NPAS3: variants seen among roughly 807,000 people sequenced by gnomAD.
NPAS3 encodes neuronal PAS domain-containing protein 3.
NPAS3 carries 14 observed loss-of-function variants against 73.1 expected under a neutral mutation model. The observed-to-expected ratio is 0.19, with a 90% CI of 0.13 to 0.30. NPAS3 has a LOEUF of 0.30. Among genes scored for constraint, NPAS3 ranks in the 10% least tolerant of loss-of-function variants. The probability of loss-of-function intolerance (pLI) is 1.00; values close to 1 mark genes in which losing one functional copy is unlikely to be tolerated. For synonymous variants in NPAS3, 620 were observed against 541.5 expected (o/e 1.14, Z -2.01); for missense variants, 1,096 against 1,250.0 (o/e 0.88, Z 1.86).
rs188612572 is a variant in NPAS3, at chr14:33,793,649, A to G, written c.1154-248A>G. On this transcript the variant is annotated intron_variant, in intron 9 of 11. Transcript: ENST00000356141. Reference sequence around the variant, plus strand: ...GTAGTCCTTTTATTCTTTTCACACCATGGCTGCCCAAAACGGAATAAAGTC... The same window carrying G: ...GTAGTCCTTTTATTCTTTTCACACCGTGGCTGCCCAAAACGGAATAAAGTC... 1.9e-3 allele frequency among the ~76,000 whole-genome samples: 287 copies of G among 152,254 alleles called. 2 individuals carry two copies. Among genetic ancestry groups the G allele is most frequent in the African/African-American group, 6.7e-3 (279 of 41,548 alleles).
At chr14:33,172,896 T>C (rs554067617) in intron 2 of NPAS3, among the ~76,000 whole-genome samples, 2 of 152,252 alleles carry the variant, frequency 1.3e-5, no homozygotes, top group African/African-American at 4.8e-5. Context: ...TACATGTGAT[T>C]ACTAAATTTC....
intron 1 of NPAS3, among the ~76,000 whole-genome samples, chr14:32,952,080 T>C (rs1372131442): frequency 6.6e-6 from 1 of 152,086 alleles, no homozygotes; most frequent in Non-Finnish European, 1.5e-5. Context: ...TTAATTTCTA[T>C]ATGTGTGTGT....
At chr14:33,089,793 A>G (rs10133879) in intron 2 of NPAS3, among the ~76,000 whole-genome samples, 65,217 of 151,710 alleles carry the variant, frequency 0.43, 15,426 homozygotes, top group African/African-American at 0.65. Context: ...GACTAACAGC[A>G]GATCTCTCGG....
At chr14:33,368,310 T>TAAAA (rs66579296) in intron 4 of NPAS3, among the ~76,000 whole-genome samples, 112 of 144,942 alleles carry the variant, frequency 7.7e-4, no homozygotes, top group African/African-American at 1.3e-3. Flanking sequence ...GATTCTGCGT[T>TAAAA]AAAAAAAAAA....
At chr14:33,477,810 T>TGCTTC (rs2051114195) in intron 4 of NPAS3, among the ~76,000 whole-genome samples, 1 of 152,216 alleles carries the variant, frequency 6.6e-6, no homozygotes, top group Non-Finnish European at 1.5e-5. Context: ...TACTTAGCTT[T>TGCTTC]GCTTCACTAT....
Position 33,377,623 on chromosome 14 carries a change from C to T in NPAS3, c.468+10355C>T, listed in dbSNP as rs145838434. On this transcript the variant is annotated intron_variant, in intron 4 of 11. Transcript: ENST00000356141. ...CGTATCCACGGGGATTTTTGTTTAC[C>T]TTGCTAACTTTGATTTGCAGAATAA... 3.9e-3 allele frequency among the ~76,000 whole-genome samples: 593 copies of T among 152,248 alleles called. 4 individuals carry two copies. The highest frequency in any genetic ancestry group is 0.014 in the African/African-American group (567 of 41,538).
At chr14:33,190,964 T>C (rs2046149839) in intron 2 of NPAS3, among the ~76,000 whole-genome samples, 1 of 152,198 alleles carries the variant, frequency 6.6e-6, no homozygotes, top group Non-Finnish European at 1.5e-5. Context: ...TGCTTATGGA[T>C]TCCCCCCCAC....
rs867861772 is a variant in NPAS3 at position 33,800,848 on chromosome 14, C to T, written c.2541C>T (p.Asn847=). Residue 847 remains asparagine (N), a synonymous_variant, in exon 12 of 12, where the codon AAC becomes AAT. Coordinates refer to ENST00000356141, the Ensembl canonical transcript of NPAS3. This position sits in a 1 kb window ranked among gnomAD's most constrained non-coding sequence, Gnocchi z 6.5. Reference sequence around the variant, plus strand: ...CCATGCAGAGCAACCTGCTGCCCAACGCGCACGCTGTTAACTTCGTGGACG... The same window carrying T: ...CCATGCAGAGCAACCTGCTGCCCAATGCGCACGCTGTTAACTTCGTGGACG... 5.6e-6 allele frequency: 9 copies of T among 1,604,486 alleles called. No individual in the cohort carries two copies. In the Middle Eastern group the frequency reaches 4.9e-4, roughly 88 times the overall value.
intron 6 of NPAS3, among the ~76,000 whole-genome samples, chr14:33,722,905 T>C (rs2061156659): frequency 6.6e-6 from 1 of 152,056 alleles, no homozygotes; most frequent in African/African-American, 2.4e-5. Context: ...TGAGCCATAA[T>C]AAAACCAACA....
At chr14:33,692,638 A>G (rs1476904028) in intron 6 of NPAS3, among the ~76,000 whole-genome samples, 1 of 152,106 alleles carries the variant, frequency 6.6e-6, no homozygotes, top group Non-Finnish European at 1.5e-5. Flanking sequence ...AATCTGTATT[A>G]TATGCCTTGG....
chr14:33,279,020 T>C (rs1169848403), intron 3 of NPAS3, among the ~76,000 whole-genome samples: 1 of 152,160 alleles, frequency 6.6e-6, no homozygotes, highest in African/African-American at 2.4e-5. Flanking sequence ...AGCTTATTCC[T>C]ATGTAAAAGT....
chr14:32,987,830 C>G (rs117965555), intron 1 of NPAS3, among the ~76,000 whole-genome samples: 1 of 152,026 alleles, frequency 6.6e-6, no homozygotes, highest in African/African-American at 2.4e-5. Context: ...TTAGCTATTA[C>G]CATGACTTAA....
chr14:33,498,056 C>T (rs533517024), intron 4 of NPAS3, among the ~76,000 whole-genome samples: 1 of 152,112 alleles, frequency 6.6e-6, no homozygotes, highest in East Asian at 1.9e-4. Flanking sequence ...CTTCTCAAAA[C>T]AAGACTTTTA....
Position 33,531,487 on chromosome 14 carries a change from G to A in NPAS3, c.469-28634G>A, listed in dbSNP as rs146326239. 2.0e-4 allele frequency among the ~76,000 whole-genome samples: 30 copies of A among 152,200 alleles called. 1 individual carries two copies. In the East Asian group the frequency reaches 4.1e-3, roughly 21 times the overall value. On this transcript the variant is annotated intron_variant, in intron 4 of 11. Coordinates refer to ENST00000356141, the Ensembl canonical transcript of NPAS3. ...TCAAGACTGGCTTCTTTCACTCAGC[G>A]TAATGCACTTGAGACTCATATCGGT...
At chr14:33,373,448 TACTAAGA>T (rs2046183828) in intron 4 of NPAS3, among the ~76,000 whole-genome samples, 1 of 151,488 alleles carries the variant, frequency 6.6e-6, no homozygotes, top group Non-Finnish European at 1.5e-5. Flanking sequence ...TACATGCCAT[TACTAAGA>T]ACTATCATGT....
At chr14:33,670,423 G>A (rs190572072) in intron 5 of NPAS3, among the ~76,000 whole-genome samples, 23 of 152,236 alleles carry the variant, frequency 1.5e-4, no homozygotes, top group African/African-American at 4.1e-4. Context: ...CATAGAATGA[G>A]ACAGAGCAGT....
At chr14:33,249,812 A>G (rs933957076) in intron 3 of NPAS3, among the ~76,000 whole-genome samples, 12 of 152,046 alleles carry the variant, frequency 7.9e-5, no homozygotes, top group Non-Finnish European at 4.4e-5. Context: ...ACTATTTGAA[A>G]ACCTTGCGTT....
At chr14:33,645,284 TTGACTACTAAA>T (rs1158423377) in intron 5 of NPAS3, among the ~76,000 whole-genome samples, 1 of 152,170 alleles carries the variant, frequency 6.6e-6, no homozygotes, top group Non-Finnish European at 1.5e-5. Flanking sequence ...GGTTCCACTC[TTGACTACTAAA>T]TGATATCCTC....
At chr14:33,159,264 C>CA (rs1305636375) in intron 2 of NPAS3, among the ~76,000 whole-genome samples, 2 of 152,220 alleles carry the variant, frequency 1.3e-5, no homozygotes, top group Non-Finnish European at 2.9e-5. Context: ...AACTGTCATA[C>CA]ACTATCAATT....
Sources: gnomAD v4.1 joint callset for allele counts (sites outside exome capture counted in the v4.1 genomes callset) on GRCh38, gnomAD v4.1.1 for gene constraint, Gnocchi (gnomAD v3.1) non-coding constraint, MANE v1.5 for transcripts, NCBI Gene and HGNC (gene_info 2026-07-23, HGNC 2026-07-21) for gene names.